The following KIF13B variants were observed in gnomAD, a reference collection of about 807,000 sequenced individuals.
The protein encoded by KIF13B is kinesin family member 13B.
A neutral mutation model predicts 222.0 loss-of-function variants in KIF13B; 127 were observed. That is an observed-to-expected ratio of 0.57 (90% CI 0.50 to 0.66). The LOEUF is 0.66. Among genes scored for constraint, KIF13B ranks in the 30% least tolerant of loss-of-function variants. The pLI is 0.00. For synonymous variants in KIF13B, 976 were observed against 919.0 expected (o/e 1.06, Z -1.12); for missense variants, 2,173 against 2,379.0 (o/e 0.91, Z 1.80).
chr8:29,103,997 C>A (rs1001917979), intron 35 of KIF13B, among the ~76,000 whole-genome samples: 1 of 152,180 alleles, frequency 6.6e-6, no homozygotes, highest in Non-Finnish European at 1.5e-5. Context: ...GGTCTCCCCC[C>A]ATCCTCACCC....
At chr8:29,096,771 ATAAGT>A (rs1399162029) in intron 36 of KIF13B, among the ~76,000 whole-genome samples, 1 of 152,052 alleles carries the variant, frequency 6.6e-6, no homozygotes, top group East Asian at 1.9e-4. Flanking sequence ...AAGCGATTTG[ATAAGT>A]TAAGGATGCC....
chr8:29,117,125 T>C, intron 30 of KIF13B, 118 bp from the exon 31 acceptor site: 1 of 783,800 alleles, frequency 1.3e-6, no homozygotes, highest in South Asian at 2.1e-5. Context: ...AGCAAAGTTC[T>C]ACTATGACAG....
chr8:29,171,626 A>G (rs1413053573), intron 10 of KIF13B, among the ~76,000 whole-genome samples: 1 of 151,302 alleles, frequency 6.6e-6, no homozygotes, highest in East Asian at 1.9e-4. Flanking sequence ...ATTTCAACCA[A>G]TTTGGAGAGA....
intron 2 of KIF13B, among the ~76,000 whole-genome samples, chr8:29,203,926 C>T (rs1813815867): frequency 6.9e-6 from 1 of 144,538 alleles, no homozygotes; most frequent in Non-Finnish European, 1.5e-5. Flanking sequence ...ATAGAAAATG[C>T]ATCCACAGAA....
At chr8:29,183,846 A>G (rs1364924309) in intron 6 of KIF13B, among the ~76,000 whole-genome samples, 1 of 152,222 alleles carries the variant, frequency 6.6e-6, no homozygotes, top group East Asian at 1.9e-4. Flanking sequence ...GGAAGGGAAG[A>G]AATGTAGAAC....
intron 2 of KIF13B, among the ~76,000 whole-genome samples, chr8:29,225,235 C>A (rs1814969216): frequency 6.6e-6 from 1 of 152,156 alleles, no homozygotes; most frequent in African/African-American, 2.4e-5. Context: ...GCTTTTTCCG[C>A]ATGTGAAGGA....
At position 29,092,827 on chromosome 8, in the gene KIF13B, G is replaced by A. The variant is rs1563693172; in HGVS notation, c.4376C>T (p.Pro1459Leu). 4 of 1,612,770 alleles carry A rather than the reference G, an allele frequency of 2.5e-6. No individual in the cohort carries two copies. The highest frequency in any genetic ancestry group is 3.4e-6 in the Non-Finnish European group (4 of 1,179,426). The change falls in exon 37 of 40, where the codon CCG (proline) becomes CTG (leucine). Residue 1459 changes from proline to leucine, a missense_variant. By Grantham distance (98) the Pro-to-Leu change is moderately conservative (BLOSUM62 -3). Transcript: ENST00000524189. ...SYLNPVKSFV[P>L]QMPKLLKSLF... ...AGACTTGAGGAGCTTTGGCATTTGCGGCACGAAGGATTTGACAGGATTCAA... is the reference window on the plus strand; with the variant it reads ...AGACTTGAGGAGCTTTGGCATTTGCAGCACGAAGGATTTGACAGGATTCAA...
At chr8:29,095,358 C>T (rs1003173321) in intron 36 of KIF13B, among the ~76,000 whole-genome samples, 2 of 152,188 alleles carry the variant, frequency 1.3e-5, no homozygotes, top group African/African-American at 4.8e-5. Flanking sequence ...AAAAAACCTC[C>T]AACTCAGAGT....
chr8:29,150,186 C>T (rs1402661252), intron 15 of KIF13B, 111 bp downstream of exon 15: 2 of 640,968 alleles, frequency 3.1e-6, no homozygotes, highest in Non-Finnish European at 5.6e-6. Context: ...TATATACGTA[C>T]ACACACAATA....
chr8:29,254,323 G>C (rs1816391152), intron 1 of KIF13B, among the ~76,000 whole-genome samples: 1 of 152,030 alleles, frequency 6.6e-6, no homozygotes, highest in Non-Finnish European at 1.5e-5. Context: ...AAATAAACTG[G>C]ACTTCATCAA....
intron 2 of KIF13B, among the ~76,000 whole-genome samples, chr8:29,219,677 G>A (rs563215449): frequency 5.3e-5 from 8 of 152,034 alleles, no homozygotes; most frequent in Non-Finnish European, 7.4e-5. Context: ...CACCTGAGTC[G>A]GGGAGGCAGA....
intron 36 of KIF13B, among the ~76,000 whole-genome samples, chr8:29,093,988 A>G (rs934931319): frequency 1.3e-5 from 2 of 152,226 alleles, no homozygotes; most frequent in East Asian, 1.9e-4. Flanking sequence ...AAAGATGAGG[A>G]AAAAAATTAC....
intron 2 of KIF13B, among the ~76,000 whole-genome samples, chr8:29,212,293 A>G (rs1269601531): frequency 6.6e-6 from 1 of 152,224 alleles, no homozygotes; most frequent in Admixed American, 6.5e-5. Context: ...CAAAGTGTAT[A>G]TACCACTTTA....
chr8:29,201,340 G>A (rs1813683553), intron 2 of KIF13B, among the ~76,000 whole-genome samples: 1 of 152,190 alleles, frequency 6.6e-6, no homozygotes, highest in Non-Finnish European at 1.5e-5. Flanking sequence ...GTGGGCTCAT[G>A]CTCACTTCTC....
At position 29,242,128 on chromosome 8, in the gene KIF13B, C is replaced by A. The variant is rs1815808790; in HGVS notation, c.149+3218G>T. Among the ~76,000 whole-genome samples, 4 of 152,056 alleles carry A rather than the reference C, an allele frequency of 2.6e-5. No homozygotes were observed. In the South Asian group the frequency reaches 6.2e-4, roughly 24 times the overall value. On this transcript the variant is annotated intron_variant, in intron 2 of 39. Coordinates refer to ENST00000524189, the MANE Select transcript of KIF13B (RefSeq NM_015254.4). ...TTTTAGCCAGAGTTAGCAAGAAAGG[C>A]CTGTTTGGTGGGTAGAGGAGAGAAA...
intron 30 of KIF13B, among the ~76,000 whole-genome samples, chr8:29,117,870 A>T (rs958144579): frequency 5.3e-5 from 8 of 152,214 alleles, no homozygotes; most frequent in African/African-American, 1.7e-4. Flanking sequence ...CTTTTTAATA[A>T]ATCCTGGCCA....
At chr8:29,146,672 G>A (rs1346029436) in intron 17 of KIF13B, 132 bp from the exon 18 acceptor site, 9 of 764,922 alleles carry the variant, frequency 1.2e-5, no homozygotes, top group African/African-American at 3.5e-5. Context: ...TCTGCACGCA[G>A]GGACTGTGTT....
chr8:29,214,807 A>G (rs1814400931), intron 2 of KIF13B, among the ~76,000 whole-genome samples: 1 of 152,214 alleles, frequency 6.6e-6, no homozygotes. Context: ...GCATAGCACT[A>G]CAACTTTACC....
intron 35 of KIF13B, among the ~76,000 whole-genome samples, chr8:29,101,568 G>A (rs1312109066): frequency 6.6e-6 from 1 of 152,162 alleles, no homozygotes; most frequent in Admixed American, 6.5e-5. Flanking sequence ...GAACAGAGCA[G>A]TAACTCCATC....
Sources: allele counts gnomAD v4.1 joint callset (sites outside exome capture counted in the v4.1 genomes callset), GRCh38; gene constraint gnomAD v4.1.1; transcripts MANE v1.5; gene names NCBI Gene and HGNC (gene_info 2026-07-23, HGNC 2026-07-21).